Variants in ABLIM2 observed in about 807,000 individuals in gnomAD.
ABLIM2 encodes the protein actin binding LIM protein family member 2.
In ABLIM2, 53 loss-of-function variants were observed where a neutral mutation model predicts 97.7. That is an observed-to-expected ratio of 0.54 (90% CI 0.44 to 0.68). The LOEUF (loss-of-function observed/expected upper bound fraction) is 0.68, where lower values mean the gene tolerates loss of function less well. ABLIM2 is among the 30% of genes least tolerant of loss of function. The probability of loss-of-function intolerance (pLI) is 0.00; values close to 1 mark genes in which losing one functional copy is unlikely to be tolerated. For synonymous variants in ABLIM2, 361 were observed against 345.8 expected (o/e 1.04, Z -0.49); for missense variants, 835 against 867.2 (o/e 0.96, Z 0.47).
chr4:7,983,665 C>CCTGGGCCTGCA, intron 18 of ABLIM2, 111 bp from the exon 19 acceptor site: 1 of 1,334,600 alleles, frequency 7.5e-7, no homozygotes, highest in Non-Finnish European at 1.1e-6. Flanking sequence ...CCTGCAGTCA[C>CCTGGGCCTGCA]CTGGGCCATG....
chr4:8,060,757 C>T (rs577449485), intron 7 of ABLIM2, among the ~76,000 whole-genome samples: 194 of 152,244 alleles, frequency 1.3e-3, no homozygotes, highest in African/African-American at 4.5e-3. Flanking sequence ...GTCTCGGGCT[C>T]GCTGAGATCA....
Position 7,977,790 on chromosome 4 carries a change from C to CAATAAATAAATAAATGAATG in ABLIM2, c.1824+5473_1824+5474insCATTCATTTATTTATTTATT, listed in dbSNP as rs1553886717. On this transcript the variant is annotated intron_variant, in intron 20 of 20. Coordinates refer to ENST00000447017, the MANE Select transcript of ABLIM2 (RefSeq NM_001130083.2). ...TGGGAGACTGAGGGAGACTCTGTCT[C>CAATAAATAAATAAATGAATG]AATAAATAAATAAATAAATAAATAA... Among the ~76,000 whole-genome samples, 4 of 142,304 alleles carry CAATAAATAAATAAATGAATG rather than the reference C, an allele frequency of 2.8e-5. No homozygotes were observed. The East Asian group carries it at 6.0e-4, about 21-fold the overall frequency. The allele number at this position is 142,304 out of a possible 152,430, so 93.4% of individuals were successfully genotyped here.
chr4:8,154,292 T>C (rs1440566521), intron 1 of ABLIM2, among the ~76,000 whole-genome samples: 1 of 143,992 alleles, frequency 6.9e-6, no homozygotes, highest in African/African-American at 2.6e-5. Flanking sequence ...TTTTTTTTTT[T>C]TTTTTTTGGA....
At chr4:8,114,171 C>T (rs901373196) in intron 1 of ABLIM2, among the ~76,000 whole-genome samples, 4 of 152,210 alleles carry the variant, frequency 2.6e-5, no homozygotes, top group Non-Finnish European at 5.9e-5. Flanking sequence ...GATTTGTCTC[C>T]CTAGGGCCAG....
chr4:8,152,399 G>C (rs56289339), intron 1 of ABLIM2, among the ~76,000 whole-genome samples: 7,814 of 152,252 alleles, frequency 0.051, 199 homozygotes, highest in South Asian at 0.1. Context: ...GCCACCGGCC[G>C]CTCCGAGCAG....
At position 8,125,035 on chromosome 4, in the gene ABLIM2, G is replaced by A. The variant is rs1455212582; in HGVS notation, c.11-18398C>T. ...TGGGAGTCTTCTTTGTAAAAATGTC[G>A]ATGCAGATGCTTTGCCCATTTTTCA... On this transcript the variant is annotated intron_variant, in intron 1 of 20. Transcript: ENST00000447017. The surrounding 1 kb of genome is among the most constrained non-coding windows in gnomAD (Gnocchi z 6.2). Among the ~76,000 whole-genome samples the A allele has an allele frequency of 1.3e-5, 2 of 152,168 alleles. No homozygotes were observed. Among genetic ancestry groups the A allele is most frequent in the African/African-American group, 2.4e-5 (1 of 41,424 alleles).
chr4:8,100,769 A>G (rs928385667), intron 2 of ABLIM2, among the ~76,000 whole-genome samples: 11 of 151,410 alleles, frequency 7.3e-5, no homozygotes, highest in South Asian at 2.1e-4. Flanking sequence ...AAAAAAAAAA[A>G]AAAGAAATCA....
chr4:8,138,969 G>A (rs11940057), intron 1 of ABLIM2, among the ~76,000 whole-genome samples: 12,543 of 152,256 alleles, frequency 0.082, 550 homozygotes, highest in South Asian at 0.1. Context: ...GGCCTAGGTG[G>A]GTGGATCACC....
chr4:7,987,031 G>A (rs1057345010), intron 17 of ABLIM2, among the ~76,000 whole-genome samples: 1 of 152,044 alleles, frequency 6.6e-6, no homozygotes, highest in Non-Finnish European at 1.5e-5. Context: ...CACCCAGACT[G>A]GAGTGCAGTG....
chr4:8,106,713 G>A (rs892425984), intron 1 of ABLIM2, 76 bp from the exon 2 acceptor site: 8 of 1,504,626 alleles, frequency 5.3e-6, no homozygotes, highest in Admixed American at 2.0e-5. Flanking sequence ...AGGCGTGTGA[G>A]GACGCACAGC....
intron 12 of ABLIM2, among the ~76,000 whole-genome samples, chr4:8,024,410 T>G (rs1775984757): frequency 1.3e-5 from 2 of 150,646 alleles, no homozygotes; most frequent in African/African-American, 4.9e-5. Flanking sequence ...CAGCATTCGG[T>G]GGGGGGTGGG....
In ABLIM2 at chr4:8,046,498, T is replaced by C. The variant is rs1366574325; in HGVS notation, c.823-1257A>G. 6.6e-6 allele frequency among the ~76,000 whole-genome samples: 1 copy of C among 151,724 alleles called. No homozygotes were observed. Among genetic ancestry groups the C allele is most frequent in the Non-Finnish European group, 1.5e-5 (1 of 67,952 alleles). The stretch of plus-strand genomic sequence containing the variant: ...CAGCAGCCAAGAGCTCAGCCCTCAC[T>C]CTCCCCACGGCCCCCACGTCCTCTG... On this transcript the variant is annotated intron_variant, in intron 8 of 20. Transcript: ENST00000447017. The surrounding 1 kb of genome is among the most constrained non-coding windows in gnomAD (Gnocchi z 4.4).
intron 17 of ABLIM2, among the ~76,000 whole-genome samples, chr4:7,990,012 A>G (rs529794923): frequency 9.2e-5 from 14 of 152,246 alleles, no homozygotes; most frequent in Middle Eastern, 3.4e-3. Context: ...TTTAGGACAT[A>G]TTGTGCTTTA....
intron 8 of ABLIM2, among the ~76,000 whole-genome samples, chr4:8,051,427 C>T (rs4696741): frequency 0.054 from 8,145 of 151,236 alleles, 542 homozygotes; most frequent in African/African-American, 0.16. Context: ...CGTGGTGGTG[C>T]GTGGCTGTAG....
At chr4:8,141,501 T>C (rs1850984950) in intron 1 of ABLIM2, among the ~76,000 whole-genome samples, 1 of 152,208 alleles carries the variant, frequency 6.6e-6, no homozygotes, top group South Asian at 2.1e-4. Context: ...TCAACTTCCA[T>C]AAAAGGGGAA....
At chr4:8,146,052 T>C (rs1009619657) in intron 1 of ABLIM2, among the ~76,000 whole-genome samples, 2 of 152,136 alleles carry the variant, frequency 1.3e-5, no homozygotes, top group African/African-American at 4.8e-5. Flanking sequence ...TCCTAGCACA[T>C]TTTTTTTCTG....
intron 9 of ABLIM2, among the ~76,000 whole-genome samples, chr4:8,042,877 G>T (rs1206435848): frequency 6.7e-6 from 1 of 149,372 alleles, no homozygotes; most frequent in Admixed American, 6.7e-5. Context: ...TTGGCCAGAC[G>T]TGATGACTCA....
chr4:8,028,526 C>T (rs1778899665), intron 11 of ABLIM2, among the ~76,000 whole-genome samples: 1 of 152,136 alleles, frequency 6.6e-6, no homozygotes, highest in African/African-American at 2.4e-5. Flanking sequence ...TACTCGCTGA[C>T]TCATTCATTA....
intron 11 of ABLIM2, 70 bp downstream of exon 11, chr4:8,029,586 T>TGA: frequency 9.5e-7 from 1 of 1,050,032 alleles, no homozygotes; most frequent in South Asian, 3.6e-5. Flanking sequence ...AAAAAAAAAC[T>TGA]AAAAAAAAAA....
Sources: gnomAD v4.1 joint callset for allele counts (sites outside exome capture counted in the v4.1 genomes callset) on GRCh38, gnomAD v4.1.1 for gene constraint, Gnocchi (gnomAD v3.1) non-coding constraint, MANE v1.5 for transcripts, NCBI Gene and HGNC (gene_info 2026-07-23, HGNC 2026-07-21) for gene names.